TAF1: variants seen among roughly 807,000 people sequenced by gnomAD.
The protein encoded by TAF1 is transcription initiation factor TFIID subunit 1.
TAF1 carries 2 observed loss-of-function variants against 138.5 expected under a neutral mutation model. That is an observed-to-expected ratio of 0.01 (90% CI 0.01 to 0.05). The LOEUF (loss-of-function observed/expected upper bound fraction) is 0.05. Among genes scored for constraint, TAF1 ranks in the 10% least tolerant of loss-of-function variants. The pLI is 1.00. For synonymous variants in TAF1, 437 were observed against 503.2 expected, an observed-to-expected ratio of 0.87 and a Z score of 1.76; for missense variants, 709 against 1,478.0, an observed-to-expected ratio of 0.48 and a Z score of 8.53.
At chrX:71,436,716 C>T (rs2037165436) in intron 32 of TAF1, among the ~76,000 whole-genome samples, 1 of 111,505 alleles carries the variant, frequency 9.0e-6, no homozygotes, top group Admixed American at 9.6e-5. Context: ...TTCTATTCTG[C>T]TTCATTGATC....
chrX:71,430,017 T>C (rs1161367952), intron 32 of TAF1, among the ~76,000 whole-genome samples: 1 of 112,046 alleles, frequency 8.9e-6, no homozygotes, highest in East Asian at 2.8e-4. Context: ...AAATGTTCTT[T>C]GCAGCATTGC....
intron 25 of TAF1, among the ~76,000 whole-genome samples, chrX:71,405,826 G>A (rs2035435986): frequency 9.0e-6 from 1 of 110,963 alleles, no homozygotes; most frequent in Non-Finnish European, 1.9e-5. Flanking sequence ...AGGCAATATA[G>A]TGAGACCCTG....
intron 32 of TAF1, among the ~76,000 whole-genome samples, chrX:71,453,684 A>C (rs1019089832): frequency 2.7e-5 from 3 of 110,631 alleles, no homozygotes; most frequent in Non-Finnish European, 5.7e-5. Context: ...ATCCACCATT[A>C]TATTATCAGA....
At chrX:71,377,297 A>G (rs959013627) in intron 5 of TAF1, 106 bp downstream of exon 5, 11 of 1,104,746 alleles carry the variant, frequency 1.0e-5, no homozygotes, top group African/African-American at 3.7e-5. Flanking sequence ...TTACTCAGTG[A>G]CATATTATTG....
intron 32 of TAF1, among the ~76,000 whole-genome samples, chrX:71,450,392 G>A (rs1054742709): frequency 1.8e-5 from 2 of 111,159 alleles, no homozygotes; most frequent in South Asian, 3.8e-4. Context: ...TAGTAGAGAC[G>A]GGGTTTTGCC....
At chrX:71,383,203 T>A in intron 12 of TAF1, 39 bp downstream of exon 12, 1 of 1,165,616 alleles carries the variant, frequency 8.6e-7, no homozygotes, top group East Asian at 3.0e-5. Flanking sequence ...CTATAAAGGA[T>A]ATTGGGGTAT....
chrX:71,391,150 C>T (rs1473399651), intron 18 of TAF1, among the ~76,000 whole-genome samples: 1 of 111,718 alleles, frequency 9.0e-6, no homozygotes, highest in African/African-American at 3.3e-5. Context: ...CTTCCCGTGG[C>T]ACTGATCACA....
At chrX:71,411,378 C>T (rs2035778998) in intron 28 of TAF1, among the ~76,000 whole-genome samples, 2 of 111,668 alleles carry the variant, frequency 1.8e-5, no homozygotes, top group Admixed American at 1.9e-4. Flanking sequence ...CACCACTAGG[C>T]TTAGGCATGA....
At chrX:71,494,470 A>G (rs2039358789) in intron 13 of TAF1, among the ~76,000 whole-genome samples, 1 of 110,624 alleles carries the variant, frequency 9.0e-6, no homozygotes, top group Non-Finnish European at 1.9e-5. Context: ...TGGCAATTTA[A>G]AAAAATATAG....
intron 29 of TAF1, among the ~76,000 whole-genome samples, chrX:71,422,272 A>G (rs2036386099): frequency 9.1e-6 from 1 of 109,961 alleles, no homozygotes; most frequent in South Asian, 3.9e-4. Context: ...AATAGAATGT[A>G]GAGTACCTAA....
downstream of TAF1, among the ~76,000 whole-genome samples, chrX:71,468,259 G>A (rs1319421683): frequency 9.3e-6 from 1 of 107,924 alleles, no homozygotes; most frequent in Non-Finnish European, 1.9e-5. Context: ...TCAAAAAAAA[G>A]AGAAAAAAGA....
chrX:71,397,028 CAAA>C (rs745812030), intron 22 of TAF1, among the ~76,000 whole-genome samples: 1 of 30,153 alleles, frequency 3.3e-5, no homozygotes, highest in Admixed American at 4.3e-4. Flanking sequence ...GATCCTGTCT[CAAA>C]AAAAAAAAAA....
chrX:71,377,742 C>T lies in TAF1; in HGVS notation c.854C>T (p.Ser285Leu), dbSNP rs1460172859. ...CAGGAGGTGGAGTGCTCAGTAGAAT[C>T]AGAAGTCAGCCAGAAGTCTTTGTGG... ...QIQEVECSVE[S>L]EVSQKSLWNY... is the part of the protein sequence containing the mutation. Residue 285 changes from serine (S) to leucine (L), a missense_variant, in exon 6 of 38, where the codon TCA becomes TTA. This residue lies in a region of TAF1 where 26 missense variants were observed against 20.9 expected (regional missense o/e 1.25). Coordinates refer to ENST00000423759, the MANE Select transcript of TAF1 (RefSeq NM_004606.5). The T allele has an allele frequency of 7.4e-6, 9 of 1,209,684 alleles. No homozygotes were observed. Among genetic ancestry groups the T allele is most frequent in the Non-Finnish European group, 8.9e-6 (8 of 895,277 alleles).
chrX:71,447,923 T>A (rs1265021152), intron 32 of TAF1, among the ~76,000 whole-genome samples: 4 of 111,455 alleles, frequency 3.6e-5, no homozygotes, highest in African/African-American at 1.3e-4. Flanking sequence ...ACCCTACCGC[T>A]CCTTATTTGG....
At chrX:71,457,393 A>G (rs910506126) in intron 34 of TAF1, among the ~76,000 whole-genome samples, 5 of 112,697 alleles carry the variant, frequency 4.4e-5, no homozygotes, top group African/African-American at 1.6e-4. Flanking sequence ...TAGCGTATGT[A>G]TTTGTGTTTA....
chrX:71,473,539 A>C (rs1473383280), intron 13 of TAF1, among the ~76,000 whole-genome samples: 1 of 109,796 alleles, frequency 9.1e-6, no homozygotes, highest in African/African-American at 3.3e-5. Flanking sequence ...TTAGTCGGGC[A>C]TGGTGGTGTG....
chrX:71,442,602 T>G (rs1286199808), intron 32 of TAF1, among the ~76,000 whole-genome samples: 1 of 112,038 alleles, frequency 8.9e-6, no homozygotes, highest in Admixed American at 9.5e-5. Flanking sequence ...TTTCTCCCAT[T>G]CTGTAGGTTG....
At chrX:71,499,864 G>A (rs1418454821) in intron 13 of TAF1, among the ~76,000 whole-genome samples, 2 of 112,025 alleles carry the variant, frequency 1.8e-5, no homozygotes, top group South Asian at 7.4e-4. Context: ...ATCTCTCCAA[G>A]TGAGATCGAA....
intron 13 of TAF1, among the ~76,000 whole-genome samples, chrX:71,514,230 G>T (rs2039785187): frequency 9.0e-6 from 1 of 110,817 alleles, no homozygotes; most frequent in South Asian, 3.8e-4. Flanking sequence ...TGAAGTGGGA[G>T]GATTGCTTGA....
Sources: allele counts gnomAD v4.1 joint callset (sites outside exome capture counted in the v4.1 genomes callset), GRCh38; gene constraint gnomAD v4.1.1; regional missense constraint gnomAD v4.1.1; transcripts MANE v1.5; gene names NCBI Gene and HGNC (gene_info 2026-07-23, HGNC 2026-07-21).